The following NTN1 variants were observed in gnomAD, a reference collection of about 807,000 sequenced individuals.
The protein encoded by NTN1 is netrin 1, also known as netrin-1.
NTN1 carries 11 observed loss-of-function variants against 54.2 expected under a neutral mutation model. The ratio of observed to expected loss-of-function variants is 0.20; its 90% CI spans 0.13 to 0.34. NTN1 has a LOEUF of 0.34. Ranked by LOEUF, NTN1 falls within the 10% of genes least tolerant of loss-of-function variation. The pLI is 1.00. For missense variants in NTN1, 740 were observed against 893.1 expected, an observed-to-expected ratio of 0.83 and a Z score of 2.18; for synonymous variants, 371 against 382.0, an observed-to-expected ratio of 0.97 and a Z score of 0.33.
At chr17:9,062,407 G>A (rs1416212255) in intron 2 of NTN1, among the ~76,000 whole-genome samples, 1 of 152,118 alleles carries the variant, frequency 6.6e-6, no homozygotes, top group East Asian at 1.9e-4. Context: ...CAAATGTCAG[G>A]CTGTATGATA....
At chr17:9,180,834 C>A (rs1280511565) in intron 4 of NTN1, among the ~76,000 whole-genome samples, 1 of 152,184 alleles carries the variant, frequency 6.6e-6, no homozygotes, top group East Asian at 1.9e-4. Context: ...GCTCAGCACC[C>A]ATCCAGGGCA....
At chr17:9,018,837 C>T (rs2091837424), upstream of NTN1, among the ~76,000 whole-genome samples, 1 of 152,132 alleles carries the variant, frequency 6.6e-6, no homozygotes, top group African/African-American at 2.4e-5. Flanking sequence ...TCAGGGGGAT[C>T]ACAGAAACTG....
At chr17:9,052,928 A>G (rs2091965755) in intron 2 of NTN1, among the ~76,000 whole-genome samples, 1 of 152,180 alleles carries the variant, frequency 6.6e-6, no homozygotes, top group Non-Finnish European at 1.5e-5. Context: ...TGGCCTCTCA[A>G]TAGCTGCTTC....
chr17:9,183,550 T>C (rs1271950994), intron 5 of NTN1: 1 of 338,934 alleles, frequency 3.0e-6, no homozygotes, highest in Non-Finnish European at 6.0e-6. Flanking sequence ...ACATTCTAGC[T>C]GGTGCAGATA....
intron 2 of NTN1, among the ~76,000 whole-genome samples, chr17:9,101,631 T>C (rs116310626): frequency 0.013 from 1,999 of 152,308 alleles, 38 homozygotes; most frequent in African/African-American, 0.045. Context: ...CCTTGTCTTA[T>C]ACAACACAGC....
At chr17:9,121,040 G>A (rs2092230140) in intron 2 of NTN1, among the ~76,000 whole-genome samples, 1 of 152,164 alleles carries the variant, frequency 6.6e-6, no homozygotes, top group Non-Finnish European at 1.5e-5. Context: ...CCAAGTGGTG[G>A]GACCAGGATG....
rs780661738 is a variant in NTN1 at position 9,023,018 on chromosome 17, C to T, written c.645C>T (p.Gly215=). The T allele has an allele frequency of 1.7e-5, 28 of 1,601,952 alleles. No homozygotes were observed. In the Admixed American group the frequency reaches 3.9e-4, roughly 22 times the overall value. Residue 215 remains glycine, a synonymous_variant, in exon 2 of 7, where the codon GGC becomes GGT. Transcript: ENST00000173229. ...ACACCGACATGCGCCCGCTCTCGGGCGGCCTCATCGCCTTCAGCACGCTGG... is the reference window on the plus strand; with the variant it reads ...ACACCGACATGCGCCCGCTCTCGGGTGGCCTCATCGCCTTCAGCACGCTGG... ...DSHTDMRPLS[G]GLIAFSTLDG...
chr17:9,105,563 G>A (rs2092163089), intron 2 of NTN1, among the ~76,000 whole-genome samples: 2 of 152,232 alleles, frequency 1.3e-5, no homozygotes, highest in South Asian at 4.2e-4. Flanking sequence ...CCTGGCTCCT[G>A]TGGGGACAGG....
chr17:9,105,652 C>CTCTCTCTT (rs915379488), intron 2 of NTN1, among the ~76,000 whole-genome samples: 9 of 139,078 alleles, frequency 6.5e-5, no homozygotes, highest in African/African-American at 2.0e-4. Flanking sequence ...TGTTCTGTCT[C>CTCTCTCTT]TCTCTCTTTC....
chr17:9,198,570 T>G lies in NTN1; in HGVS notation c.1411+15601T>G, dbSNP rs963552555. ...TGGGGACCATCTGTGGGTTTCTGTT[T>G]TGTCCACTCTCCAAGAGCCCTACAC... On this transcript the variant is annotated intron_variant, in intron 5 of 6. Coordinates refer to ENST00000173229, the MANE Select transcript of NTN1 (RefSeq NM_004822.3). 5.3e-5 allele frequency among the ~76,000 whole-genome samples: 8 copies of G among 152,014 alleles called. No homozygotes were observed. The East Asian group carries it at 1.5e-3, about 29-fold the overall frequency.
chr17:9,175,128 C>T (rs2092396604), intron 3 of NTN1: 1 of 152,230 alleles, frequency 6.6e-6, no homozygotes, highest in South Asian at 2.1e-4. Flanking sequence ...GGAAAGGGTG[C>T]CAGGCTCAGG....
intron 4 of NTN1, among the ~76,000 whole-genome samples, chr17:9,180,640 C>G (rs569349771): frequency 6.6e-6 from 1 of 152,364 alleles, no homozygotes; most frequent in African/African-American, 2.4e-5. Flanking sequence ...TTCCCCCTGC[C>G]CCTGGTGGGT....
At position 9,163,015 on chromosome 17, in the gene NTN1, G is replaced by A. The variant is rs767509435; in HGVS notation, c.1207+14G>A. ...AGGCCTGCAAAGGTGGGCTACACGT[G>A]GCGGGGCGGGGGGCTGGGGAGACCC... On this transcript the variant is annotated intron_variant, in intron 3 of 6. Coordinates refer to ENST00000173229, the MANE Select transcript of NTN1 (RefSeq NM_004822.3). The A allele has an allele frequency of 5.7e-6, 9 of 1,585,460 alleles. No individual in the cohort carries two copies.
At chr17:9,081,968 C>T (rs75811654) in intron 2 of NTN1, among the ~76,000 whole-genome samples, 3,503 of 152,324 alleles carry the variant, frequency 0.023, 58 homozygotes, top group Middle Eastern at 0.058. Flanking sequence ...TTGTCTCTTG[C>T]ACAAACCTTG....
the NTN1 span, among the ~76,000 whole-genome samples, chr17:9,015,658 T>C: frequency 6.6e-6 from 1 of 151,996 alleles, no homozygotes; most frequent in Non-Finnish European, 1.5e-5. Flanking sequence ...ACTGCAGTCC[T>C]TCTCAGAGGT....
At chr17:9,169,904 C>T (rs1447049766) in intron 3 of NTN1, among the ~76,000 whole-genome samples, 2 of 152,184 alleles carry the variant, frequency 1.3e-5, no homozygotes, top group South Asian at 4.1e-4. Flanking sequence ...GGAGGATCTC[C>T]AGGGGTTCCT....
rs73973295 is a variant in NTN1, at chr17:9,065,588, A to G, written c.1018+42197A>G. Among the ~76,000 whole-genome samples, 911 of 152,242 alleles carry G rather than the reference A, an allele frequency of 6.0e-3. 11 individuals carry two copies. The highest frequency in any genetic ancestry group is 0.02 in the African/African-American group (835 of 41,538). ...CTGAATGCCTGTCTCCTGACATTGAACTGTGAACGCCACCAGGGCAAGCAC... is the reference window on the plus strand; with the variant it reads ...CTGAATGCCTGTCTCCTGACATTGAGCTGTGAACGCCACCAGGGCAAGCAC... On this transcript the variant is annotated intron_variant, in intron 2 of 6. Transcript: ENST00000173229.
At chr17:9,186,776 G>C (rs970181696) in intron 5 of NTN1, among the ~76,000 whole-genome samples, 2 of 152,218 alleles carry the variant, frequency 1.3e-5, no homozygotes, top group Admixed American at 6.5e-5. Context: ...ACTTTTTCAC[G>C]GAAGGAAGTT....
intron 6 of NTN1, among the ~76,000 whole-genome samples, chr17:9,236,955 C>G (rs918878233): frequency 2.6e-5 from 4 of 152,068 alleles, no homozygotes; most frequent in African/African-American, 9.7e-5. Context: ...AGAAGGCCCC[C>G]TGGGAGGCCT....
Sources: allele counts gnomAD v4.1 joint callset (sites outside exome capture counted in the v4.1 genomes callset), GRCh38; gene constraint gnomAD v4.1.1; transcripts MANE v1.5; gene names NCBI Gene and HGNC (gene_info 2026-07-23, HGNC 2026-07-21).